The following EMCN variants were observed in gnomAD, a reference collection of about 807,000 sequenced individuals.
EMCN encodes endomucin.
A neutral mutation model predicts 38.4 loss-of-function variants in EMCN; 37 were observed. That is an observed-to-expected ratio of 0.96 (90% CI 0.74 to 1.27). The LOEUF (loss-of-function observed/expected upper bound fraction) is 1.27. Ranked by LOEUF, EMCN falls within the 50% of genes most tolerant of loss-of-function variation. The probability of loss-of-function intolerance (pLI) is 0.00; values close to 1 mark genes in which losing one functional copy is unlikely to be tolerated. For synonymous variants in EMCN, 95 were observed against 100.8 expected (o/e 0.94, Z 0.35); for missense variants, 318 against 302.8 (o/e 1.05, Z -0.37).
At chr4:100,428,180 C>T (rs1021402094) in intron 5 of EMCN, among the ~76,000 whole-genome samples, 4 of 152,112 alleles carry the variant, frequency 2.6e-5, no homozygotes, top group African/African-American at 9.7e-5. Flanking sequence ...CCCACAAAAC[C>T]CTAGGTAATC....
At chr4:100,487,662 T>A (rs998601887) in intron 1 of EMCN, among the ~76,000 whole-genome samples, 4 of 152,108 alleles carry the variant, frequency 2.6e-5, no homozygotes, top group Admixed American at 6.5e-5. Flanking sequence ...TCTCATGAAA[T>A]CTGATGGTTT....
intron 1 of EMCN, among the ~76,000 whole-genome samples, chr4:100,506,734 T>G (rs1341184873): frequency 1.3e-5 from 2 of 152,282 alleles, no homozygotes; most frequent in Non-Finnish European, 1.5e-5. Flanking sequence ...GACATTCAAG[T>G]TAGAGGTTAA....
intron 4 of EMCN, among the ~76,000 whole-genome samples, chr4:100,464,269 C>T (rs573166097): frequency 3.3e-5 from 5 of 151,872 alleles, no homozygotes; most frequent in African/African-American, 9.6e-5. Context: ...ACAAACCGCT[C>T]TTTAGTGGTT....
chr4:100,454,896 A>G (rs900453079), intron 4 of EMCN, among the ~76,000 whole-genome samples: 5 of 152,084 alleles, frequency 3.3e-5, no homozygotes, highest in African/African-American at 1.2e-4. Context: ...ACCAAAGTAT[A>G]CCTTTTCCTG....
chr4:100,452,154 A>G (rs1423757298), intron 4 of EMCN, among the ~76,000 whole-genome samples: 3 of 152,056 alleles, frequency 2.0e-5, no homozygotes, highest in Middle Eastern at 3.2e-3. Flanking sequence ...GGTCACTCTC[A>G]TGTCCAGCTA....
chr4:100,408,404 G>C (rs924208940), intron 11 of EMCN, among the ~76,000 whole-genome samples: 10 of 152,160 alleles, frequency 6.6e-5, no homozygotes, highest in African/African-American at 1.9e-4. Flanking sequence ...TTTCATTTCT[G>C]TATGTGTTCA....
At chr4:100,479,220 T>A (rs1277886111) in intron 2 of EMCN, among the ~76,000 whole-genome samples, 3 of 152,166 alleles carry the variant, frequency 2.0e-5, no homozygotes, top group Non-Finnish European at 2.9e-5. Flanking sequence ...GGTCTTTCTA[T>A]GACCTTAGCA....
rs571584317 is a variant in EMCN, at chr4:100,489,790, G to A, written c.65-9751C>T. ...CAAAACCTGTGGATACGGAAGACCAGCTTTTCATATCTGTGGGCTCCACAA... is the reference window on the plus strand; with the variant it reads ...CAAAACCTGTGGATACGGAAGACCAACTTTTCATATCTGTGGGCTCCACAA... On this transcript the variant is annotated intron_variant, in intron 1 of 11. Transcript: ENST00000296420. 2.1e-3 allele frequency among the ~76,000 whole-genome samples: 313 copies of A among 152,244 alleles called. 1 individual carries two copies. Among genetic ancestry groups the A allele is most frequent in the Non-Finnish European group, 3.1e-3 (208 of 68,006 alleles).
chr4:100,414,418 G>A (rs1726655938), intron 10 of EMCN, among the ~76,000 whole-genome samples: 1 of 126,460 alleles, frequency 7.9e-6, no homozygotes, highest in South Asian at 2.6e-4. Flanking sequence ...TGGCTACTTA[G>A]TAAAGGCTGG....
chr4:100,438,413 T>A (rs189903213), intron 5 of EMCN, among the ~76,000 whole-genome samples: 5 of 152,254 alleles, frequency 3.3e-5, no homozygotes, highest in African/African-American at 1.2e-4. Flanking sequence ...TATTTGTGTA[T>A]GAAATGCTAG....
chr4:100,408,805 A>G (rs1726468079), intron 11 of EMCN, among the ~76,000 whole-genome samples: 1 of 152,154 alleles, frequency 6.6e-6, no homozygotes, highest in African/African-American at 2.4e-5. Flanking sequence ...AATTAGAATA[A>G]TCAGCTGGGG....
intron 1 of EMCN, among the ~76,000 whole-genome samples, chr4:100,493,922 C>T (rs903100778): frequency 6.6e-6 from 1 of 152,276 alleles, no homozygotes; most frequent in Middle Eastern, 3.4e-3. Flanking sequence ...ACATTGATGA[C>T]TCATACTTTT....
rs981165385 is a variant in EMCN, at chr4:100,464,251, CCT to C, written c.376+1170_376+1171del. ...TAATTTATTTTAATATATTTTATAT[CCT>C]GTGCTACAAACCGCTCTTTAGTGGT... On this transcript the variant is annotated intron_variant, in intron 4 of 11. Transcript: ENST00000296420. Among the ~76,000 whole-genome samples, 51 of 151,574 alleles carry C rather than the reference CCT, an allele frequency of 3.4e-4. 1 individual carries two copies. Among genetic ancestry groups the C allele is most frequent in the Middle Eastern group, 3.2e-3 (1 of 316 alleles).
At chr4:100,463,714 C>G (rs890187742) in intron 4 of EMCN, among the ~76,000 whole-genome samples, 37 of 152,044 alleles carry the variant, frequency 2.4e-4, no homozygotes, top group African/African-American at 8.9e-4. Context: ...TATAAACTGT[C>G]TTTTCTGCAT....
intron 11 of EMCN, among the ~76,000 whole-genome samples, chr4:100,406,545 T>A (rs72919517): frequency 0.04 from 6,013 of 152,170 alleles, 405 homozygotes; most frequent in African/African-American, 0.14. Context: ...GTAGGGTTTT[T>A]AAAAATCTTC....
chr4:100,483,321 T>G (rs531691425), intron 1 of EMCN: 12 of 152,222 alleles, frequency 7.9e-5, no homozygotes, highest in African/African-American at 2.9e-4. Context: ...TGACTTCAGA[T>G]AATATATTCT....
intron 2 of EMCN, 134 bp from the exon 3 acceptor site, chr4:100,475,243 C>T (rs374046431): frequency 9.2e-5 from 28 of 304,612 alleles, no homozygotes; most frequent in East Asian, 6.2e-5. Context: ...TTTTCCAGTT[C>T]GTTTTGTCTA....
chr4:100,479,368 T>C (rs1728747265), intron 2 of EMCN, among the ~76,000 whole-genome samples: 1 of 152,156 alleles, frequency 6.6e-6, no homozygotes, highest in Non-Finnish European at 1.5e-5. Flanking sequence ...ATCTCTTGTT[T>C]TTTTTAATGG....
At chr4:100,515,835 AAAAC>A (rs372660405) in intron 1 of EMCN, among the ~76,000 whole-genome samples, 77 of 152,050 alleles carry the variant, frequency 5.1e-4, no homozygotes, top group East Asian at 7.7e-4. Flanking sequence ...CCAATCTGCA[AAAAC>A]AAACAAACAA....
Sources: gnomAD v4.1 joint callset for allele counts (sites outside exome capture counted in the v4.1 genomes callset) on GRCh38, gnomAD v4.1.1 for gene constraint, MANE v1.5 for transcripts, NCBI Gene and HGNC (gene_info 2026-07-23, HGNC 2026-07-21) for gene names.